Variants in LHFPL3 observed in about 807,000 individuals in gnomAD.
LHFPL3 encodes LHFPL tetraspan subfamily member 3.
A neutral mutation model predicts 19.3 loss-of-function variants in LHFPL3; 5 were observed. The ratio of observed to expected loss-of-function variants is 0.26; its 90% CI spans 0.14 to 0.54. LHFPL3 has a LOEUF of 0.54. LHFPL3 is among the 20% of genes least tolerant of loss of function. The pLI is 0.94. For missense variants in LHFPL3, 249 were observed against 307.4 expected (o/e 0.81, Z 1.42); for synonymous variants, 133 against 126.2 (o/e 1.05, Z -0.36).
At chr7:104,814,851 T>C (rs1374250999) in intron 2 of LHFPL3, among the ~76,000 whole-genome samples, 1 of 152,102 alleles carries the variant, frequency 6.6e-6, no homozygotes, top group Non-Finnish European at 1.5e-5. Context: ...TACTCTGAGA[T>C]CAGAGCAGGT....
chr7:104,654,429 G>T (rs1792087605), intron 1 of LHFPL3, among the ~76,000 whole-genome samples: 1 of 152,150 alleles, frequency 6.6e-6, no homozygotes, highest in African/African-American at 2.4e-5. Flanking sequence ...TCTAAGAAAA[G>T]CAGCATGTTA....
chr7:104,328,786 G>C lies in LHFPL3; in HGVS notation c.7G>C (p.Gly3Arg), dbSNP rs547893386. ...GAGGAGGAGGAGGGGGAGAATGCCC[G>C]GAGCCGCCGCCGCTGCCGCCGCCGC... MP[G>R]AAAAAAAAAA... Residue 3 changes from glycine (G) to arginine (R), a missense_variant, in exon 1 of 3, where the codon GGA becomes CGA. Coordinates refer to ENST00000424859, the MANE Select transcript of LHFPL3 (RefSeq NM_199000.3). The surrounding 1 kb of genome is among the most constrained non-coding windows in gnomAD (Gnocchi z 4.6). The C allele has an allele frequency of 4.8e-5, 77 of 1,592,020 alleles. No homozygotes were observed. In the Admixed American group the frequency reaches 6.5e-4, roughly 13 times the overall value.
At chr7:104,559,587 C>A (rs796165988) in intron 1 of LHFPL3, among the ~76,000 whole-genome samples, 1 of 151,986 alleles carries the variant, frequency 6.6e-6, no homozygotes, top group East Asian at 1.9e-4. Context: ...TGGGCTGAGA[C>A]GATGGGGTTT....
intron 2 of LHFPL3, among the ~76,000 whole-genome samples, chr7:104,862,589 G>A (rs1188868418): frequency 6.6e-6 from 1 of 151,752 alleles, no homozygotes; most frequent in Non-Finnish European, 1.5e-5. Flanking sequence ...CTTCTGCTTT[G>A]GAGAAGGGTA....
chr7:104,536,646 C>G (rs1450628460), intron 1 of LHFPL3, among the ~76,000 whole-genome samples: 1 of 152,176 alleles, frequency 6.6e-6, no homozygotes, highest in Non-Finnish European at 1.5e-5. Flanking sequence ...CCTGAGACTT[C>G]CGGAGTGTTT....
At chr7:104,570,854 T>C (rs775873852) in intron 1 of LHFPL3, among the ~76,000 whole-genome samples, 1 of 152,182 alleles carries the variant, frequency 6.6e-6, no homozygotes, top group Non-Finnish European at 1.5e-5. Context: ...CTTAGTAAGC[T>C]CTATGCTGCT....
At chr7:104,771,278 C>A (rs1794545957) in intron 2 of LHFPL3, among the ~76,000 whole-genome samples, 1 of 152,204 alleles carries the variant, frequency 6.6e-6, no homozygotes, top group African/African-American at 2.4e-5. Context: ...ATGGCACTTT[C>A]ACTTGTTCAG....
At chr7:104,835,764 A>AT (rs869215991) in intron 2 of LHFPL3, among the ~76,000 whole-genome samples, 74 of 55,066 alleles carry the variant, frequency 1.3e-3, no homozygotes, top group Non-Finnish European at 3.2e-3. Context: ...AATTATTATT[A>AT]TTTTTTTTTA....
In LHFPL3 at chr7:104,674,618, C is replaced by T. The variant is rs139209441; in HGVS notation, c.446-62057C>T. On this transcript the variant is annotated intron_variant, in intron 1 of 2. Transcript: ENST00000424859. ...TCCTGACCTCGTGATCCACCTGCCT[C>T]GGCCTCCCAAAGTGCTGGGATTACA... is the stretch of plus-strand genomic sequence containing the variant. 7.5e-3 allele frequency among the ~76,000 whole-genome samples: 1,134 copies of T among 152,084 alleles called. 12 individuals are homozygous for T. The highest frequency in any genetic ancestry group is 0.025 in the African/African-American group (1,046 of 41,498).
chr7:104,693,345 T>C (rs938355291), intron 1 of LHFPL3, among the ~76,000 whole-genome samples: 2 of 152,160 alleles, frequency 1.3e-5, no homozygotes, highest in Non-Finnish European at 2.9e-5. Context: ...TGGGAAGGCA[T>C]GATTGTGTAA....
chr7:104,790,083 C>T (rs748450199), intron 2 of LHFPL3, among the ~76,000 whole-genome samples: 3 of 152,220 alleles, frequency 2.0e-5, no homozygotes, highest in Non-Finnish European at 4.4e-5. Flanking sequence ...ATGAAGTCAC[C>T]TTGCTGAATA....
intron 1 of LHFPL3, among the ~76,000 whole-genome samples, chr7:104,681,837 A>G (rs1321167808): frequency 6.6e-6 from 1 of 152,188 alleles, no homozygotes; most frequent in Non-Finnish European, 1.5e-5. Context: ...TAGGGTACAC[A>G]TAGGCCAGAT....
chr7:104,433,097 A>G (rs1230107230), intron 1 of LHFPL3, among the ~76,000 whole-genome samples: 1 of 152,214 alleles, frequency 6.6e-6, no homozygotes, highest in African/African-American at 2.4e-5. Context: ...ACCTTGTTAG[A>G]AATTAAAACT....
chr7:104,437,558 G>C (rs764589866), intron 1 of LHFPL3, among the ~76,000 whole-genome samples: 1 of 152,072 alleles, frequency 6.6e-6, no homozygotes, highest in Non-Finnish European at 1.5e-5. Context: ...AGGTTCCCAG[G>C]TTATTGACAA....
intron 1 of LHFPL3, among the ~76,000 whole-genome samples, chr7:104,472,953 C>T (rs1332989316): frequency 1.3e-5 from 2 of 152,142 alleles, no homozygotes; most frequent in Admixed American, 1.3e-4. Flanking sequence ...ATTACAGAAA[C>T]ATCTTTCACT....
At chr7:104,750,490 A>G (rs1030642144) in intron 2 of LHFPL3, among the ~76,000 whole-genome samples, 1 of 152,214 alleles carries the variant, frequency 6.6e-6, no homozygotes, top group Non-Finnish European at 1.5e-5. Flanking sequence ...GCTAATAACC[A>G]ATTGAATTTC....
At chr7:104,767,804 C>CT (rs1794482001) in intron 2 of LHFPL3, among the ~76,000 whole-genome samples, 1 of 152,184 alleles carries the variant, frequency 6.6e-6, no homozygotes, top group Non-Finnish European at 1.5e-5. Flanking sequence ...TCTCAACAGT[C>CT]ACCCATCAGA....
At chr7:104,858,655 T>C (rs1791555366) in intron 2 of LHFPL3, among the ~76,000 whole-genome samples, 1 of 152,198 alleles carries the variant, frequency 6.6e-6, no homozygotes, top group Non-Finnish European at 1.5e-5. Context: ...TCCAAATTCC[T>C]TCTCTCACCT....
chr7:104,666,524 T>TTATTTA (rs1792351757), intron 1 of LHFPL3, among the ~76,000 whole-genome samples: 2 of 74,148 alleles, frequency 2.7e-5, no homozygotes, highest in African/African-American at 8.8e-5. Context: ...TTTTTTTTTT[T>TTATTTA]TTTTTTTTTT....
Sources: gnomAD v4.1 joint callset for allele counts (sites outside exome capture counted in the v4.1 genomes callset) on GRCh38, gnomAD v4.1.1 for gene constraint, Gnocchi (gnomAD v3.1) non-coding constraint, MANE v1.5 for transcripts, NCBI Gene and HGNC (gene_info 2026-07-23, HGNC 2026-07-21) for gene names.